The following GREB1L variants were observed in gnomAD, a reference collection of about 807,000 sequenced individuals.
GREB1L encodes GREB1-like protein.
In GREB1L, 17 loss-of-function variants were observed where a neutral mutation model predicts 200.8. The ratio of observed to expected loss-of-function variants is 0.08; its 90% CI spans 0.06 to 0.13. GREB1L has a LOEUF of 0.13. Ranked by LOEUF, GREB1L falls within the 10% of genes least tolerant of loss-of-function variation. The probability of loss-of-function intolerance (pLI) is 1.00; values close to 1 mark genes in which losing one functional copy is unlikely to be tolerated. For synonymous variants in GREB1L, 789 were observed against 893.0 expected (o/e 0.88, Z 2.08); for missense variants, 1,657 against 2,367.7 (o/e 0.70, Z 6.23).
At chr18:21,359,871 A>G (rs1025317383) in intron 1 of GREB1L, among the ~76,000 whole-genome samples, 12 of 152,192 alleles carry the variant, frequency 7.9e-5, no homozygotes, top group East Asian at 3.8e-4. Context: ...TACTAATGCC[A>G]GTTTAGATAT....
intron 1 of GREB1L, among the ~76,000 whole-genome samples, chr18:21,279,468 G>A (rs2038229527): frequency 6.6e-6 from 1 of 151,864 alleles, no homozygotes; most frequent in African/African-American, 2.4e-5. Context: ...TTTTCCTTAG[G>A]GTAGATTTTT....
chr18:21,256,131 C>T (rs1219131892), intron 1 of GREB1L, among the ~76,000 whole-genome samples: 1 of 152,012 alleles, frequency 6.6e-6, no homozygotes. Flanking sequence ...TTTAAAGTGC[C>T]CTGATCTTTT....
At chr18:21,328,169 G>A (rs542671682) in intron 1 of GREB1L, among the ~76,000 whole-genome samples, 1 of 150,310 alleles carries the variant, frequency 6.7e-6, no homozygotes, top group Non-Finnish European at 1.5e-5. Flanking sequence ...TCCTGATTCA[G>A]TGCCATTGCC....
intron 1 of GREB1L, among the ~76,000 whole-genome samples, chr18:21,337,795 G>A (rs2039208420): frequency 1.3e-5 from 2 of 152,034 alleles, no homozygotes; most frequent in South Asian, 4.2e-4. Context: ...GACCATTCTG[G>A]TTAACACAGT....
intron 1 of GREB1L, among the ~76,000 whole-genome samples, chr18:21,262,199 T>C (rs2037899839): frequency 6.6e-6 from 1 of 152,106 alleles, no homozygotes; most frequent in African/African-American, 2.4e-5. Context: ...CAGAATAATA[T>C]GTAGGGGTGA....
chr18:21,405,413 A>G lies in GREB1L; in HGVS notation c.832+1419A>G, dbSNP rs148040566. ...AAAAGCTAAGATTTACTTCATTACA[A>G]CAAAAACGTATCAAGTGTTTATTTC... On this transcript the variant is annotated intron_variant, in intron 7 of 32. Coordinates refer to ENST00000424526, the MANE Select transcript of GREB1L (RefSeq NM_001142966.3). Among the ~76,000 whole-genome samples, 34 of 152,380 alleles carry G rather than the reference A, an allele frequency of 2.2e-4. No individual in the cohort carries two copies. In the East Asian group the frequency reaches 6.0e-3, roughly 27 times the overall value.
Position 21,439,439 on chromosome 18 carries a change from T to G in GREB1L, c.833-82T>G, listed in dbSNP as rs966899874. The G allele has an allele frequency of 3.9e-5, 31 of 789,072 alleles. No individual in the cohort carries two copies. In the African/African-American group the frequency reaches 5.1e-4, roughly 13 times the overall value. 48.9% of individuals were successfully genotyped at this position (789,072 alleles called of 1,614,324 possible). A position where few individuals can be genotyped will look rare whatever the true frequency, so the allele number is the denominator to read the frequency against. ...TTTCTTGGAATCCTAGAGTGTGAGG[T>G]CTATCAGATGGTTCCAGCATCCCAG... is the stretch of plus-strand genomic sequence containing the variant. On this transcript the variant is annotated intron_variant, in intron 7 of 32. Coordinates refer to ENST00000424526, the MANE Select transcript of GREB1L (RefSeq NM_001142966.3).
chr18:21,512,980 C>T (rs1774914792), intron 27 of GREB1L, among the ~76,000 whole-genome samples: 1 of 152,166 alleles, frequency 6.6e-6, no homozygotes, highest in African/African-American at 2.4e-5. Flanking sequence ...CGATGGCCCA[C>T]TCATAAAATT....
At chr18:21,497,812 C>CCT (rs1555659440) in intron 21 of GREB1L, among the ~76,000 whole-genome samples, 1 of 37,278 alleles carries the variant, frequency 2.7e-5, no homozygotes, top group East Asian at 8.6e-4. Context: ...CCCCTCACCA[C>CCT]CCCCCCCCCT....
At chr18:21,381,190 C>T (rs1229576375) in intron 2 of GREB1L, among the ~76,000 whole-genome samples, 2 of 152,122 alleles carry the variant, frequency 1.3e-5, no homozygotes, top group African/African-American at 4.8e-5. Context: ...TGCAGTGAGC[C>T]GAGATAGTGC....
chr18:21,406,058 T>TAAAAAAAAAAA (rs34222462), intron 7 of GREB1L, among the ~76,000 whole-genome samples: 1 of 124,896 alleles, frequency 8.0e-6, no homozygotes, highest in Non-Finnish European at 1.7e-5. Context: ...AGACCCTGTC[T>TAAAAAAAAAAA]AAAAAAAAAA....
In GREB1L at chr18:21,401,421, A is replaced by G. The variant is rs892789119; in HGVS notation, c.709+95A>G. 2.9e-5 allele frequency: 30 copies of G among 1,045,988 alleles called. No homozygotes were observed. In the African/African-American group the frequency reaches 4.7e-4, roughly 16 times the overall value. The allele number at this position is 1,045,988 out of a possible 1,614,324, so 64.8% of individuals were successfully genotyped here. Reference sequence around the variant, plus strand: ...GATTCAGAGTTCAGGTGGGATACAGATAAATATCCTAAGTTCAGAAGGATA... The same window carrying G: ...GATTCAGAGTTCAGGTGGGATACAGGTAAATATCCTAAGTTCAGAAGGATA... On this transcript the variant is annotated intron_variant, in intron 6 of 32. Coordinates refer to ENST00000424526, the MANE Select transcript of GREB1L (RefSeq NM_001142966.3).
chr18:21,424,886 G>A (rs192453366), intron 7 of GREB1L, among the ~76,000 whole-genome samples: 176 of 152,126 alleles, frequency 1.2e-3, no homozygotes, highest in African/African-American at 4.0e-3. Flanking sequence ...GTCTGTTCTG[G>A]GCATTTCATA....
chr18:21,278,388 A>AAAAAT (rs1159350930), intron 1 of GREB1L, among the ~76,000 whole-genome samples: 1 of 138,398 alleles, frequency 7.2e-6, no homozygotes, highest in East Asian at 2.0e-4. Context: ...CTCAAAAAAA[A>AAAAAT]AAAATAAATA....
chr18:21,279,167 T>C lies in GREB1L; in HGVS notation c.-120+36774T>C, dbSNP rs574589111. On this transcript the variant is annotated intron_variant, in intron 1 of 32. Coordinates refer to ENST00000424526, the MANE Select transcript of GREB1L (RefSeq NM_001142966.3). The stretch of plus-strand genomic sequence containing the variant: ...ATTACATTTTAGAAAATTTGAGAAA[T>C]AGAGAAAAAGGGCATCTATAATCCC... 2.1e-3 allele frequency among the ~76,000 whole-genome samples: 318 copies of C among 152,242 alleles called. 3 individuals carry two copies. The highest frequency in any genetic ancestry group is 3.1e-3 in the Non-Finnish European group (208 of 68,006).
intron 1 of GREB1L, among the ~76,000 whole-genome samples, chr18:21,244,875 C>T (rs777718597): frequency 6.6e-6 from 1 of 152,190 alleles, no homozygotes; most frequent in African/African-American, 2.4e-5. Context: ...GAAAATTACT[C>T]TTACCAAACT....
chr18:21,492,959 A>G (rs2145874631), intron 19 of GREB1L, among the ~76,000 whole-genome samples: 1 of 152,338 alleles, frequency 6.6e-6, no homozygotes, highest in East Asian at 1.9e-4. Flanking sequence ...TCTTAAAAAT[A>G]TATAAAAATA....
At chr18:21,270,247 C>T (rs2038056557) in intron 1 of GREB1L, among the ~76,000 whole-genome samples, 1 of 152,214 alleles carries the variant, frequency 6.6e-6, no homozygotes, top group African/African-American at 2.4e-5. Context: ...ATGCTTAACT[C>T]TGAGAAACAA....
intron 17 of GREB1L, among the ~76,000 whole-genome samples, chr18:21,481,336 A>G (rs1241703004): frequency 6.6e-6 from 1 of 152,018 alleles, no homozygotes; most frequent in African/African-American, 2.4e-5. Flanking sequence ...ATAGGATGCA[A>G]AAGAAGACTG....
Sources: allele counts gnomAD v4.1 joint callset (sites outside exome capture counted in the v4.1 genomes callset), GRCh38; gene constraint gnomAD v4.1.1; transcripts MANE v1.5; gene names NCBI Gene and HGNC (gene_info 2026-07-23, HGNC 2026-07-21).